The following ARFGEF3 variants were observed in gnomAD, a reference collection of about 807,000 sequenced individuals.
The protein encoded by ARFGEF3 is ARFGEF family member 3, also known as brefeldin A-inhibited guanine nucleotide-exchange protein 3.
ARFGEF3 carries 96 observed loss-of-function variants against 221.7 expected under a neutral mutation model. The observed-to-expected ratio is 0.43, with a 90% CI of 0.37 to 0.51. The LOEUF is 0.51. Ranked by LOEUF, ARFGEF3 falls within the 20% of genes least tolerant of loss-of-function variation. The pLI is 0.00. For synonymous variants in ARFGEF3, 1,145 were observed against 1,126.8 expected (o/e 1.02, Z -0.32); for missense variants, 2,410 against 2,789.9 (o/e 0.86, Z 3.07).
At chr6:138,335,359 C>T (rs1365169040) in intron 33 of ARFGEF3, among the ~76,000 whole-genome samples, 171 bp downstream of exon 33, 1 of 152,086 alleles carries the variant, frequency 6.6e-6, no homozygotes, top group Non-Finnish European at 1.5e-5. Context: ...TGCAGGATCT[C>T]CCAGGATCAG....
At chr6:138,182,791 T>G (rs1777104414) in intron 2 of ARFGEF3, among the ~76,000 whole-genome samples, 1 of 152,128 alleles carries the variant, frequency 6.6e-6, no homozygotes, top group Non-Finnish European at 1.5e-5. Flanking sequence ...TAATGAGGGT[T>G]AAGGTGAGCA....
chr6:138,328,011 C>A lies in ARFGEF3; in HGVS notation c.5002-10C>A. The A allele has an allele frequency of 1.3e-6, 2 of 1,550,356 alleles. No homozygotes were observed. Among genetic ancestry groups the A allele is most frequent in the Non-Finnish European group, 1.7e-6 (2 of 1,146,110 alleles). ...GGAGTTCTGAAATGTACCTTTGCAC[C>A]CCCATACAGGTGTTTATGCTGGACA... On this transcript the variant is annotated splice_polypyrimidine_tract_variant and intron_variant, in intron 31 of 33. Transcript: ENST00000251691.
chr6:138,294,068 G>A lies in ARFGEF3; in HGVS notation c.3444G>A (p.Ser1148=), dbSNP rs773426349. The change falls in exon 20 of 34, where the codon TCG becomes TCA. Residue 1148 remains serine, a synonymous_variant. Transcript: ENST00000251691. ...GGFLYQLKKA[S]QSQLFHSVTD... ...TTCTTTACCAGCTGAAGAAAGCATC[G>A]CAGTCTCAGCTTTTCCATTCTGTTA... The A allele has an allele frequency of 1.1e-5, 17 of 1,613,630 alleles. No individual in the cohort carries two copies. The highest frequency in any genetic ancestry group is 6.7e-5 in the African/African-American group (5 of 74,902).
intron 26 of ARFGEF3, among the ~76,000 whole-genome samples, chr6:138,315,480 T>C (rs1583063475): frequency 6.6e-6 from 1 of 152,194 alleles, no homozygotes; most frequent in South Asian, 2.1e-4. Flanking sequence ...AGGTTTTTTG[T>C]TTTATTTTGC....
At chr6:138,177,709 C>G (rs1297305005) in intron 2 of ARFGEF3, among the ~76,000 whole-genome samples, 1 of 151,886 alleles carries the variant, frequency 6.6e-6, no homozygotes, top group Non-Finnish European at 1.5e-5. Context: ...TTCAAAAGAC[C>G]TGCCTTCAAG....
At chr6:138,265,376 C>T (rs941927354) in intron 12 of ARFGEF3, among the ~76,000 whole-genome samples, 1 of 152,142 alleles carries the variant, frequency 6.6e-6, no homozygotes, top group African/African-American at 2.4e-5. Context: ...CCTAATTTCA[C>T]ATCAATTTTT....
intron 2 of ARFGEF3, among the ~76,000 whole-genome samples, chr6:138,171,333 A>G (rs1046936032): frequency 6.6e-6 from 1 of 152,108 alleles, no homozygotes; most frequent in Non-Finnish European, 1.5e-5. Flanking sequence ...TAAAAGGATC[A>G]AATTGGTCAA....
At chr6:138,321,789 AAT>A (rs1232997570) in intron 29 of ARFGEF3, among the ~76,000 whole-genome samples, 2 of 152,242 alleles carry the variant, frequency 1.3e-5, no homozygotes, top group Admixed American at 6.5e-5. Context: ...CCATGTTCAC[AAT>A]AGTCAAAATT....
chr6:138,188,004 CATG>C (rs1777221745), intron 2 of ARFGEF3, among the ~76,000 whole-genome samples: 1 of 152,188 alleles, frequency 6.6e-6, no homozygotes, highest in African/African-American at 2.4e-5. Context: ...AAGGCGACTA[CATG>C]ATAAGCTTTT....
chr6:138,215,599 GC>G (rs1305566271), intron 4 of ARFGEF3, among the ~76,000 whole-genome samples: 1 of 152,116 alleles, frequency 6.6e-6, no homozygotes, highest in African/African-American at 2.4e-5. Flanking sequence ...GGGTTACCTT[GC>G]CTGCCAAGTC....
At chr6:138,287,600 C>A (rs1779320554) in intron 17 of ARFGEF3, among the ~76,000 whole-genome samples, 1 of 152,174 alleles carries the variant, frequency 6.6e-6, no homozygotes, top group Non-Finnish European at 1.5e-5. Flanking sequence ...TGAGGGGAGG[C>A]TCAGGAAGAA....
intron 32 of ARFGEF3, among the ~76,000 whole-genome samples, chr6:138,331,087 A>G (rs1780219146): frequency 6.6e-6 from 1 of 152,210 alleles, no homozygotes; most frequent in South Asian, 2.1e-4. Flanking sequence ...TAAAAGTAGG[A>G]AAAAGGAATA....
chr6:138,304,455 C>T (rs1779684176), intron 22 of ARFGEF3, among the ~76,000 whole-genome samples: 1 of 152,066 alleles, frequency 6.6e-6, no homozygotes. Flanking sequence ...GCCTATTAAC[C>T]TCATAAACTT....
chr6:138,246,079 T>C, intron 8 of ARFGEF3, among the ~76,000 whole-genome samples: 1 of 152,232 alleles, frequency 6.6e-6, no homozygotes, highest in East Asian at 1.9e-4. Context: ...AGCATGTTAC[T>C]CTTTTACTTT....
rs776612247 is a variant in ARFGEF3 at position 138,262,825 on chromosome 6, G to A, written c.1342G>A (p.Glu448Lys). 296 of 1,613,904 alleles carry A rather than the reference G, an allele frequency of 1.8e-4. 3 individuals carry two copies. The South Asian group carries it at 2.0e-3, about 11-fold the overall frequency. Residue 448 changes from glutamate (E) to lysine (K), a missense_variant, in exon 12 of 34, where the codon GAA becomes AAA. By Grantham distance (56) the Glu-to-Lys change is moderately conservative. Coordinates refer to ENST00000251691, the MANE Select transcript of ARFGEF3 (RefSeq NM_020340.5). Reference sequence around the variant, plus strand: ...GCTCAGCCAGGGGAAGGGCTTGAGCGAAGGTCAGGTGCAACTGCTGCTTCT... The same window carrying A: ...GCTCAGCCAGGGGAAGGGCTTGAGCAAAGGTCAGGTGCAACTGCTGCTTCT... ...DELSQGKGLS[E>K]GQVQLLLLRL...
chr6:138,162,267 A>T lies in ARFGEF3; in HGVS notation c.85+96A>T. On this transcript the variant is annotated intron_variant, in intron 1 of 33. Coordinates refer to ENST00000251691, the MANE Select transcript of ARFGEF3 (RefSeq NM_020340.5). The surrounding 1 kb of genome is among the most constrained non-coding windows in gnomAD (Gnocchi z 4.7). Reference sequence around the variant, plus strand: ...GTGGGGCTTTCGCGGAGCGTCGGTCATGGGTGCCGTTCTGGCGATTGCGAG... The same window carrying T: ...GTGGGGCTTTCGCGGAGCGTCGGTCTTGGGTGCCGTTCTGGCGATTGCGAG... 1 of 821,458 alleles carries T rather than the reference A, an allele frequency of 1.2e-6. No individual in the cohort carries two copies. The highest frequency in any genetic ancestry group is 1.8e-5 in the South Asian group (1 of 56,708). 50.9% of individuals were successfully genotyped at this position (821,458 alleles called of 1,614,324 possible). A position where few individuals can be genotyped will look rare whatever the true frequency, so the allele number is the denominator to read the frequency against.
chr6:138,173,519 GT>G (rs1215055544), intron 2 of ARFGEF3, among the ~76,000 whole-genome samples: 1 of 152,182 alleles, frequency 6.6e-6, no homozygotes, highest in Non-Finnish European at 1.5e-5. Context: ...GGCTGGGAAT[GT>G]TTAAAATTGT....
At chr6:138,181,451 T>C (rs1171875965) in intron 2 of ARFGEF3, among the ~76,000 whole-genome samples, 1 of 152,244 alleles carries the variant, frequency 6.6e-6, no homozygotes, top group Non-Finnish European at 1.5e-5. Context: ...TGTTTTGTTT[T>C]GTTTTTGAGA....
At chr6:138,183,239 C>A (rs1777116610) in intron 2 of ARFGEF3, among the ~76,000 whole-genome samples, 1 of 152,062 alleles carries the variant, frequency 6.6e-6, no homozygotes, top group Non-Finnish European at 1.5e-5. Flanking sequence ...ACCCCCAACT[C>A]TGAAATAAAG....
Sources: gnomAD v4.1 joint callset for allele counts (sites outside exome capture counted in the v4.1 genomes callset) on GRCh38, gnomAD v4.1.1 for gene constraint, Gnocchi (gnomAD v3.1) non-coding constraint, MANE v1.5 for transcripts, NCBI Gene and HGNC (gene_info 2026-07-23, HGNC 2026-07-21) for gene names.